Variants in TMEM132E observed in about 807,000 individuals in gnomAD.
TMEM132E encodes transmembrane protein 132E.
A neutral mutation model predicts 78.5 loss-of-function variants in TMEM132E; 49 were observed. The observed-to-expected ratio is 0.62, with a 90% confidence interval of 0.50 to 0.79. TMEM132E has a LOEUF of 0.79. TMEM132E is among the 30% of genes least tolerant of loss of function. The probability of loss-of-function intolerance (pLI) is 0.00; values close to 1 mark genes in which losing one functional copy is unlikely to be tolerated. For missense variants in TMEM132E, 1,403 were observed against 1,470.9 expected (o/e 0.95, Z 0.75); for synonymous variants, 715 against 670.6 (o/e 1.07, Z -1.02).
chr17:34,606,622 G>A (rs906586379), intron 1 of TMEM132E, among the ~76,000 whole-genome samples: 4 of 152,196 alleles, frequency 2.6e-5, no homozygotes, highest in Non-Finnish European at 4.4e-5. Flanking sequence ...GTCCCTGGAC[G>A]AGGGCTGTTT....
chr17:34,631,476 G>A (rs1907346376), intron 5 of TMEM132E, among the ~76,000 whole-genome samples: 3 of 152,226 alleles, frequency 2.0e-5, no homozygotes, highest in South Asian at 2.1e-4. Context: ...GGGGTAATCA[G>A]AGAAGATTCT....
At chr17:34,607,642 T>C (rs982724508) in intron 1 of TMEM132E, among the ~76,000 whole-genome samples, 8 of 152,202 alleles carry the variant, frequency 5.3e-5, no homozygotes, top group African/African-American at 1.2e-4. Context: ...GTTGCAAGTA[T>C]TGAGTGCCCA....
intron 1 of TMEM132E, among the ~76,000 whole-genome samples, chr17:34,582,728 G>T (rs1203401991): frequency 6.6e-6 from 1 of 152,144 alleles, no homozygotes; most frequent in Admixed American, 6.5e-5. Context: ...CACTGGAGCT[G>T]CATGGGCTGC....
At chr17:34,602,171 G>A (rs1358916847) in intron 1 of TMEM132E, among the ~76,000 whole-genome samples, 1 of 152,258 alleles carries the variant, frequency 6.6e-6, no homozygotes, top group Non-Finnish European at 1.5e-5. Flanking sequence ...TGTCTCCAGA[G>A]AGAGACAGCT....
chr17:34,579,726 A>T lies in TMEM132E; in HGVS notation c.-1351A>T, dbSNP rs900700293. 4 of 152,496 alleles carry T rather than the reference A, an allele frequency of 2.6e-5. No homozygotes were observed. The highest frequency in any genetic ancestry group is 4.8e-5 in the African/African-American group (2 of 41,328). The allele number at this position is 152,496 out of a possible 1,614,324, so 9.4% of individuals were successfully genotyped here. On this transcript the variant is annotated 5_prime_UTR_variant, in exon 1 of 9. Coordinates refer to ENST00000631683, the MANE Select transcript of TMEM132E (RefSeq NM_001304438.2). ...TCTTCCCCCACACACGTCCATGGGG[A>T]GCCGGCTCCCCTGCCAGCACCTCCT... is the stretch of plus-strand genomic sequence containing the variant.
intron 1 of TMEM132E, among the ~76,000 whole-genome samples, chr17:34,595,450 G>A (rs1286591399): frequency 1.3e-5 from 2 of 152,232 alleles, no homozygotes; most frequent in African/African-American, 4.8e-5. Context: ...CTTATAGGGT[G>A]CCCTGCATAC....
At chr17:34,581,565 C>CTCCGCGGTAAAGGG (rs1905483728) in intron 1 of TMEM132E, among the ~76,000 whole-genome samples, 1 of 152,022 alleles carries the variant, frequency 6.6e-6, no homozygotes. Flanking sequence ...TCGCCCCGGG[C>CTCCGCGGTAAAGGG]GCGCAGGCCG....
At position 34,590,692 on chromosome 17, in the gene TMEM132E, A is replaced by G. The variant is rs1417811257; in HGVS notation, c.67+9549A>G. On this transcript the variant is annotated intron_variant, in intron 1 of 8. Coordinates refer to ENST00000631683, the MANE Select transcript of TMEM132E (RefSeq NM_001304438.2). ...AAAATGCCTGTGAAGAAATAGCAAG[A>G]TACAATGCTAAATTCAGGGTATGTA... Among the ~76,000 whole-genome samples, 4 of 152,152 alleles carry G rather than the reference A, an allele frequency of 2.6e-5. No homozygotes were observed. The South Asian group carries it at 8.3e-4, about 32-fold the overall frequency.
intron 1 of TMEM132E, among the ~76,000 whole-genome samples, chr17:34,604,084 T>C (rs1014994811): frequency 6.6e-6 from 1 of 152,178 alleles, no homozygotes; most frequent in African/African-American, 2.4e-5. Flanking sequence ...CTGGGCATTG[T>C]TCTAAGGGCT....
chr17:34,637,921 A>T lies in TMEM132E; in HGVS notation c.2914A>T (p.Ser972Cys). 6.2e-7 allele frequency: 1 copy of T among 1,606,448 alleles called. No individual in the cohort carries two copies. The highest frequency in any genetic ancestry group is 1.3e-5 in the African/African-American group (1 of 74,992). The change falls in exon 9 of 9, where the codon AGC (serine) becomes TGC (cysteine). Residue 972 changes from serine to cysteine, a missense_variant. Transcript: ENST00000631683. ...CTTCTGCCACGGCGACCACCACAGCAGCGGCAGCTCGCAGACCAGCGTCCA... is the reference window on the plus strand; with the variant it reads ...CTTCTGCCACGGCGACCACCACAGCTGCGGCAGCTCGCAGACCAGCGTCCA... ...PAFCHGDHHS[S>C]GSSQTSVQSQ...
chr17:34,610,111 G>A (rs1906537916), intron 1 of TMEM132E, among the ~76,000 whole-genome samples: 1 of 152,132 alleles, frequency 6.6e-6, no homozygotes, highest in Admixed American at 6.5e-5. Flanking sequence ...TCTTTTGTGG[G>A]CATCTGGCTC....
chr17:34,610,768 C>A (rs2034369097), intron 1 of TMEM132E, among the ~76,000 whole-genome samples: 1 of 152,210 alleles, frequency 6.6e-6, no homozygotes, highest in Non-Finnish European at 1.5e-5. Context: ...TCAAGAGAAT[C>A]ATGCAAGTGG....
chr17:34,630,435 TG>T (rs201676972), intron 5 of TMEM132E, among the ~76,000 whole-genome samples: 2,396 of 152,290 alleles, frequency 0.016, 72 homozygotes, highest in South Asian at 0.095. Flanking sequence ...GATATTGCTT[TG>T]GCCAGTCCTG....
intron 1 of TMEM132E, among the ~76,000 whole-genome samples, chr17:34,605,358 A>G (rs1906378063): frequency 6.6e-6 from 1 of 152,182 alleles, no homozygotes; most frequent in African/African-American, 2.4e-5. Flanking sequence ...TCCCTCAGTG[A>G]GTGGGGTCAG....
At chr17:34,618,029 G>C (rs1372581713) in intron 1 of TMEM132E, among the ~76,000 whole-genome samples, 1 of 152,036 alleles carries the variant, frequency 6.6e-6, no homozygotes, top group African/African-American at 2.4e-5. Context: ...CCAGTTTAAT[G>C]CCCTGCTTTG....
At chr17:34,596,433 C>T (rs1388987032) in intron 1 of TMEM132E, among the ~76,000 whole-genome samples, 1 of 152,122 alleles carries the variant, frequency 6.6e-6, no homozygotes, top group Non-Finnish European at 1.5e-5. Context: ...CTCTACTCCC[C>T]CTGGGCCCTA....
chr17:34,598,320 G>A (rs781348190), intron 1 of TMEM132E, among the ~76,000 whole-genome samples: 11 of 152,076 alleles, frequency 7.2e-5, no homozygotes, highest in Non-Finnish European at 1.2e-4. Flanking sequence ...ATCAGGTGAT[G>A]GGACAGTGAG....
intron 4 of TMEM132E, among the ~76,000 whole-genome samples, 178 bp downstream of exon 4, chr17:34,629,382 G>A (rs1907269661): frequency 1.3e-5 from 2 of 152,320 alleles, no homozygotes; most frequent in South Asian, 2.1e-4. Context: ...TTTTATATTT[G>A]TCGGGCCATG....
chr17:34,623,168 G>T (rs1037925892), intron 1 of TMEM132E, among the ~76,000 whole-genome samples: 1 of 151,704 alleles, frequency 6.6e-6, no homozygotes, highest in African/African-American at 2.4e-5. Context: ...TCCTCCCCCA[G>T]GGGGGGTGAG....
Sources: gnomAD v4.1 joint callset for allele counts (sites outside exome capture counted in the v4.1 genomes callset) on GRCh38, gnomAD v4.1.1 for gene constraint, MANE v1.5 for transcripts, NCBI Gene and HGNC (gene_info 2026-07-23, HGNC 2026-07-21) for gene names.